The following CDH3 variants were observed in gnomAD, a reference collection of about 807,000 sequenced individuals.
The protein encoded by CDH3 is cadherin 3.
In CDH3, 54 loss-of-function variants were observed where a neutral mutation model predicts 82.0. The observed-to-expected ratio is 0.66, with a 90% CI of 0.53 to 0.83. The LOEUF (loss-of-function observed/expected upper bound fraction) is 0.83, where lower values mean the gene tolerates loss of function less well. Among genes scored for constraint, CDH3 ranks in the 40% least tolerant of loss-of-function variants. The probability of loss-of-function intolerance (pLI) is 0.00; values close to 1 mark genes in which losing one functional copy is unlikely to be tolerated. For missense variants in CDH3, 1,054 were observed against 1,084.6 expected (o/e 0.97, Z 0.40); for synonymous variants, 446 against 437.9 (o/e 1.02, Z -0.23).
chr16:68,687,640 A>G lies in CDH3; in HGVS notation c.1699A>G (p.Ile567Val), dbSNP rs146470218. The G allele has an allele frequency of 1.3e-5, 21 of 1,613,992 alleles. No individual in the cohort carries two copies. The highest frequency in any genetic ancestry group is 2.7e-5 in the African/African-American group (2 of 74,932). ...NQSPVRQVLN[I>V]TDKDLSPHTS... is the part of the protein sequence containing the mutation. The stretch of plus-strand genomic sequence containing the variant: ...AAGCCCTGTGCGCCAGGTGCTGAAC[A>G]TCACGGACAAGGACCTGTCTCCCCA... The change falls in exon 12 of 16, where the codon ATC becomes GTC. Residue 567 changes from isoleucine to valine, a missense_variant. Coordinates refer to ENST00000264012, the MANE Select transcript of CDH3 (RefSeq NM_001793.6).
At chr16:68,668,955 G>C (rs1193706278) in intron 2 of CDH3, among the ~76,000 whole-genome samples, 1 of 152,122 alleles carries the variant, frequency 6.6e-6, no homozygotes, top group Non-Finnish European at 1.5e-5. Context: ...TGATGAGGTA[G>C]GTATTGTTTC....
intron 7 of CDH3, 30 bp downstream of exon 7, chr16:68,680,004 ACC>A: frequency 6.2e-7 from 1 of 1,606,576 alleles, no homozygotes; most frequent in Non-Finnish European, 8.5e-7. Flanking sequence ...AGTACTGCCT[ACC>A]CAGACTTGCC....
Position 68,707,034 on chromosome 16 carries a change from G to T in CDH3, c.99+11111G>T, listed in dbSNP as rs1191585428. 6.6e-6 allele frequency among the ~76,000 whole-genome samples: 1 copy of T among 152,174 alleles called. No homozygotes were observed. Among genetic ancestry groups the T allele is most frequent in the Admixed American group, 6.6e-5 (1 of 15,258 alleles). ...TGGAGCTGGGATGGGGCCTAGGGAG[G>T]AAGGGCCTGGGGGTAGGGCTCAGTT... On this transcript the variant is annotated intron_variant, in intron 1 of 2. Coordinates refer to the CDH3 transcript ENST00000569080. The surrounding 1 kb of genome is among the most constrained non-coding windows in gnomAD (Gnocchi z 4.5).
chr16:68,663,043 AT>A (rs1960636367), intron 2 of CDH3, among the ~76,000 whole-genome samples: 1 of 147,888 alleles, frequency 6.8e-6, no homozygotes, highest in Non-Finnish European at 1.5e-5. Context: ...TAATTTTTGT[AT>A]TAGTACAGAC....
chr16:68,662,435 C>G (rs138470001), intron 2 of CDH3, among the ~76,000 whole-genome samples: 43 of 152,110 alleles, frequency 2.8e-4, no homozygotes, highest in Middle Eastern at 6.8e-3. Context: ...AGTCACTGCT[C>G]TCCAGCCTGG....
At chr16:68,689,190 C>G (rs1486331569) in intron 12 of CDH3, among the ~76,000 whole-genome samples, 1 of 152,150 alleles carries the variant, frequency 6.6e-6, no homozygotes, top group Non-Finnish European at 1.5e-5. Flanking sequence ...AACAGCAGTT[C>G]CCACCTCTTA....
chr16:68,683,789 C>T (rs1017698559), intron 9 of CDH3, among the ~76,000 whole-genome samples: 1 of 150,496 alleles, frequency 6.6e-6, no homozygotes. Context: ...TCGCTGGGGC[C>T]GGGCACGATT....
At chr16:68,680,079 A>G in intron 7 of CDH3, 105 bp downstream of exon 7, 1 of 1,106,234 alleles carries the variant, frequency 9.0e-7, no homozygotes, top group Non-Finnish European at 1.4e-6. Flanking sequence ...CCAAGGCAGA[A>G]CAGTGAGGAC....
chr16:68,688,918 C>A (rs1176050640), intron 12 of CDH3, among the ~76,000 whole-genome samples: 1 of 152,178 alleles, frequency 6.6e-6, no homozygotes, highest in Non-Finnish European at 1.5e-5. Flanking sequence ...CCACACCTGG[C>A]CTATCAGGAT....
At chr16:68,712,331 C>T (rs774227772) in intron 1 of CDH3, among the ~76,000 whole-genome samples, 8 of 151,952 alleles carry the variant, frequency 5.3e-5, no homozygotes, top group Non-Finnish European at 1.0e-4. Context: ...CCATCACACC[C>T]GGCCCAGAGA....
chr16:68,680,067 G>GCCCAAGGCAGAACAGTGAGGA, intron 7 of CDH3, 93 bp downstream of exon 7: 1 of 1,265,106 alleles, frequency 7.9e-7, no homozygotes, highest in Non-Finnish European at 1.2e-6. Context: ...TGCCCACAAA[G>GCCCAAGGCAGAACAGTGAGGA]CCCAAGGCAG....
At chr16:68,717,441 G>A (rs1263959763) in intron 1 of CDH3, among the ~76,000 whole-genome samples, 1 of 152,178 alleles carries the variant, frequency 6.6e-6, no homozygotes, top group Admixed American at 6.6e-5. Context: ...AAATTTAGTT[G>A]TCAGTGTAAC....
At chr16:68,678,956 A>G (rs1158720983) in intron 6 of CDH3, 50 bp downstream of exon 6, 1 of 1,590,640 alleles carries the variant, frequency 6.3e-7, no homozygotes, top group South Asian at 1.1e-5. Context: ...CACACCCTTA[A>G]ATGCTAAAAG....
At chr16:68,645,577 G>A in intron 1 of CDH3, 59 bp from the exon 2 acceptor site, 1 of 1,465,922 alleles carries the variant, frequency 6.8e-7, no homozygotes. Flanking sequence ...GCGGTGTGGG[G>A]AGTGCAGGGC....
At chr16:68,729,353 T>C (rs1222625320), downstream of CDH3, among the ~76,000 whole-genome samples, 1 of 152,212 alleles carries the variant, frequency 6.6e-6, no homozygotes, top group Non-Finnish European at 1.5e-5. Flanking sequence ...TGACCCTGTG[T>C]GTTTTTTGTT....
At chr16:68,725,995 G>A (rs940157652) in intron 2 of CDH3, among the ~76,000 whole-genome samples, 1 of 152,070 alleles carries the variant, frequency 6.6e-6, no homozygotes, top group African/African-American at 2.4e-5. Flanking sequence ...GCAGACGGAG[G>A]TTGCAGTGAG....
chr16:68,713,666 G>C lies in CDH3; in HGVS notation c.100-8759G>C, dbSNP rs1054501375. On this transcript the variant is annotated intron_variant, in intron 1 of 2. Coordinates refer to the CDH3 transcript ENST00000569080. ...TTAAACACTTCCGTTCTGTTCCCAT[G>C]ACCTACTGGACAAGGGCCAAGCAGC... 1.1e-4 allele frequency among the ~76,000 whole-genome samples: 16 copies of C among 152,000 alleles called. 1 individual carries two copies. Among genetic ancestry groups the C allele is most frequent in the Non-Finnish European group, 1.9e-4 (13 of 68,014 alleles).
At chr16:68,661,987 A>G (rs11641001) in intron 2 of CDH3, among the ~76,000 whole-genome samples, 89,157 of 152,110 alleles carry the variant, frequency 0.59, 26,374 homozygotes, top group East Asian at 0.63. Flanking sequence ...CACGGCGCCC[A>G]GCCAATCACT....
exon 2 of CDH3, chr16:68,722,561 T>C (rs1962176306): frequency 6.6e-6 from 1 of 152,180 alleles, no homozygotes; most frequent in South Asian, 2.1e-4. Context: ...CACAAATACA[T>C]GAGTACATGA....
Sources: gnomAD v4.1 joint callset for allele counts (sites outside exome capture counted in the v4.1 genomes callset) on GRCh38, gnomAD v4.1.1 for gene constraint, Gnocchi (gnomAD v3.1) non-coding constraint, MANE v1.5 for transcripts, NCBI Gene and HGNC (gene_info 2026-07-23, HGNC 2026-07-21) for gene names.